Variants in LUZP2 observed in about 807,000 individuals in gnomAD.
LUZP2 encodes the protein leucine zipper protein 2.
A neutral mutation model predicts 51.6 loss-of-function variants in LUZP2; 52 were observed. The observed-to-expected ratio is 1.01, with a 90% confidence interval of 0.81 to 1.27. LUZP2 has a LOEUF of 1.27. LUZP2 is among the 50% of genes most tolerant of loss of function. The probability of loss-of-function intolerance (pLI) is 0.00; values close to 1 mark genes in which losing one functional copy is unlikely to be tolerated. For missense variants in LUZP2, 436 were observed against 395.4 expected (o/e 1.10, Z -0.87); for synonymous variants, 154 against 137.3 (o/e 1.12, Z -0.85).
chr11:24,616,987 A>G (rs1379970324), intron 1 of LUZP2, among the ~76,000 whole-genome samples: 2 of 152,190 alleles, frequency 1.3e-5, no homozygotes, highest in African/African-American at 4.8e-5. Context: ...GTTAGGTAAA[A>G]TGTCGTATAA....
At chr11:24,627,161 A>G (rs1294668093) in intron 1 of LUZP2, among the ~76,000 whole-genome samples, 2 of 152,228 alleles carry the variant, frequency 1.3e-5, no homozygotes, top group Non-Finnish European at 2.9e-5. Context: ...CTCCTATAGT[A>G]CAAAAATATG....
chr11:24,629,913 T>G (rs1368798649), intron 1 of LUZP2, among the ~76,000 whole-genome samples: 1 of 152,034 alleles, frequency 6.6e-6, no homozygotes, highest in East Asian at 1.9e-4. Flanking sequence ...AAAGTACCAC[T>G]GTGATTTTAA....
intron 5 of LUZP2, among the ~76,000 whole-genome samples, chr11:24,797,510 T>A (rs1340589082): frequency 1.3e-5 from 2 of 152,174 alleles, no homozygotes; most frequent in Non-Finnish European, 2.9e-5. Context: ...ACTCAAGGAC[T>A]TTAAAAATCG....
At chr11:24,620,159 A>G (rs1159116361) in intron 1 of LUZP2, among the ~76,000 whole-genome samples, 1 of 152,230 alleles carries the variant, frequency 6.6e-6, no homozygotes, top group Non-Finnish European at 1.5e-5. Context: ...AATTCCACAG[A>G]AAACAGTCAA....
intron 1 of LUZP2, among the ~76,000 whole-genome samples, chr11:24,689,694 C>G (rs971973093): frequency 6.6e-6 from 1 of 152,144 alleles, no homozygotes; most frequent in African/African-American, 2.4e-5. Context: ...CTTTATCTAA[C>G]TTTATTTTTA....
chr11:24,928,681 T>C (rs185464683), intron 7 of LUZP2, among the ~76,000 whole-genome samples: 13 of 152,172 alleles, frequency 8.5e-5, no homozygotes, highest in Non-Finnish European at 1.8e-4. Flanking sequence ...GATTTTGGTG[T>C]GTAGTTTTTA....
intron 1 of LUZP2, among the ~76,000 whole-genome samples, chr11:24,578,561 TAA>T (rs3077989): frequency 0.16 from 23,107 of 146,346 alleles, 1,925 homozygotes; most frequent in African/African-American, 0.22. Context: ...TGGGCTGGAT[TAA>T]AAAAAAAAAA....
At position 25,050,079 on chromosome 11, in the gene LUZP2, T is replaced by C. The variant is rs1484425378; in HGVS notation, c.807T>C (p.Val269=). ...SASGNNESSQ[V]ESTKEGNPST... is the part of the protein sequence containing the mutation. ...CTGGAAACAATGAGAGCTCTCAAGT[T>C]GAGTCAACAAAGGAAGGAAATCCAA... Residue 269 remains valine, a synonymous_variant, in exon 10 of 12, where the codon GTT becomes GTC. Transcript: ENST00000336930. 1 of 1,599,278 alleles carries C rather than the reference T, an allele frequency of 6.3e-7. No homozygotes were observed. Among genetic ancestry groups the C allele is most frequent in the Non-Finnish European group, 8.5e-7 (1 of 1,172,510 alleles).
At chr11:24,834,261 A>T (rs1479700549) in intron 5 of LUZP2, among the ~76,000 whole-genome samples, 1 of 151,820 alleles carries the variant, frequency 6.6e-6, no homozygotes, top group Non-Finnish European at 1.5e-5. Context: ...TCACCCCCCA[A>T]CAGGCCCCAG....
At chr11:24,752,735 T>C (rs1393753848) in intron 4 of LUZP2, among the ~76,000 whole-genome samples, 1 of 151,544 alleles carries the variant, frequency 6.6e-6, no homozygotes, top group Non-Finnish European at 1.5e-5. Flanking sequence ...AAAAATAAGA[T>C]GGAAAAAATT....
intron 1 of LUZP2, among the ~76,000 whole-genome samples, chr11:24,551,870 C>T (rs11028007): frequency 0.42 from 63,713 of 151,832 alleles, 13,879 homozygotes; most frequent in African/African-American, 0.51. Context: ...ATCTGTAATT[C>T]TTAAAATAGG....
intron 1 of LUZP2, among the ~76,000 whole-genome samples, chr11:24,590,937 C>T (rs747576551): frequency 5.3e-5 from 8 of 152,034 alleles, no homozygotes; most frequent in Non-Finnish European, 8.8e-5. Context: ...ATGCTATTTG[C>T]GCTAGCAAAT....
intron 9 of LUZP2, among the ~76,000 whole-genome samples, chr11:25,026,528 A>G (rs533798411): frequency 2.3e-5 from 3 of 128,314 alleles, no homozygotes; most frequent in Non-Finnish European, 5.4e-5. Flanking sequence ...TATTGCCTTA[A>G]AATGTGATTA....
chr11:24,676,947 G>A (rs1007862503), intron 1 of LUZP2, among the ~76,000 whole-genome samples: 1 of 152,076 alleles, frequency 6.6e-6, no homozygotes, highest in Admixed American at 6.6e-5. Flanking sequence ...AATTACAGGC[G>A]TGAGCCACCA....
chr11:25,045,132 C>T (rs1235551987), intron 9 of LUZP2, among the ~76,000 whole-genome samples: 2 of 151,098 alleles, frequency 1.3e-5, no homozygotes, highest in Non-Finnish European at 2.9e-5. Flanking sequence ...GGGTGCAGCA[C>T]ACCAACATGG....
chr11:24,699,128 C>T (rs1486657406), intron 1 of LUZP2, among the ~76,000 whole-genome samples: 3 of 146,306 alleles, frequency 2.1e-5, no homozygotes, highest in African/African-American at 5.1e-5. Flanking sequence ...CACACACACA[C>T]GAAACAATAA....
intron 1 of LUZP2, among the ~76,000 whole-genome samples, chr11:24,537,530 C>T (rs563760378): frequency 3.3e-5 from 5 of 151,798 alleles, no homozygotes; most frequent in African/African-American, 7.2e-5. Flanking sequence ...CTAAAATGTA[C>T]GTGCTATATT....
chr11:24,611,325 A>C lies in LUZP2; in HGVS notation c.62+114020A>C, dbSNP rs1181810440. On this transcript the variant is annotated intron_variant, in intron 1 of 11. Transcript: ENST00000336930. This position sits in a 1 kb window ranked among gnomAD's most constrained non-coding sequence, Gnocchi z 4.6. ...CTTCTACAGTCCATTATTCAAAAGA[A>C]TGTATATATCTAATTCATTTGATCT... Among the ~76,000 whole-genome samples, 1 of 152,182 alleles carries C rather than the reference A, an allele frequency of 6.6e-6. No homozygotes were observed. Among genetic ancestry groups the C allele is most frequent in the East Asian group, 1.9e-4 (1 of 5,176 alleles).
chr11:24,829,548 A>G (rs772148826), intron 5 of LUZP2, among the ~76,000 whole-genome samples: 2 of 152,232 alleles, frequency 1.3e-5, no homozygotes, highest in Non-Finnish European at 2.9e-5. Context: ...ATACATATAT[A>G]GTTACTCTGT....
Sources: gnomAD v4.1 joint callset for allele counts (sites outside exome capture counted in the v4.1 genomes callset) on GRCh38, gnomAD v4.1.1 for gene constraint, Gnocchi (gnomAD v3.1) non-coding constraint, MANE v1.5 for transcripts, NCBI Gene and HGNC (gene_info 2026-07-23, HGNC 2026-07-21) for gene names.